The following SEMA3A variants were observed in gnomAD, a reference collection of about 807,000 sequenced individuals.
SEMA3A encodes the protein semaphorin-3A.
SEMA3A carries 29 observed loss-of-function variants against 97.9 expected under a neutral mutation model. The ratio of observed to expected loss-of-function variants is 0.30; its 90% CI spans 0.22 to 0.40. The LOEUF is 0.40. Ranked by LOEUF, SEMA3A falls within the 10% of genes least tolerant of loss-of-function variation. The pLI is 1.00. For missense variants in SEMA3A, 763 were observed against 951.3 expected, an observed-to-expected ratio of 0.80 and a Z score of 2.60; for synonymous variants, 321 against 323.7, an observed-to-expected ratio of 0.99 and a Z score of 0.09.
rs566825940 is a variant in SEMA3A, at chr7:84,351,319, C to T, written c.-169+20505G>A. Among the ~76,000 whole-genome samples, 45 of 152,162 alleles carry T rather than the reference C, an allele frequency of 3.0e-4. No homozygotes were observed. In the South Asian group the frequency reaches 3.9e-3, roughly 13 times the overall value. On this transcript the variant is annotated intron_variant, in intron 2 of 3. Coordinates refer to the SEMA3A transcript ENST00000424555. ...TTTCCTCCAAAGATGTCACACCTTGCGTAAGCCTTTGAAAAACATTGACAA... is the reference window on the plus strand; with the variant it reads ...TTTCCTCCAAAGATGTCACACCTTGTGTAAGCCTTTGAAAAACATTGACAA...
chr7:84,375,848 C>T (rs776582031), intron 1 of SEMA3A, among the ~76,000 whole-genome samples: 4 of 152,044 alleles, frequency 2.6e-5, no homozygotes, highest in Non-Finnish European at 4.4e-5. Flanking sequence ...CCTTAATCTG[C>T]TCTACACTTC....
intron 1 of SEMA3A, among the ~76,000 whole-genome samples, chr7:84,475,507 C>T (rs879917277): frequency 1.3e-4 from 20 of 152,006 alleles, no homozygotes; most frequent in Non-Finnish European, 2.8e-4. Flanking sequence ...TATTGGGGTA[C>T]GTTTTACACG....
chr7:84,187,904 G>A (rs1397046523), intron 1 of SEMA3A, among the ~76,000 whole-genome samples: 2 of 152,074 alleles, frequency 1.3e-5, no homozygotes, highest in African/African-American at 2.4e-5. Flanking sequence ...GGCACAAGAT[G>A]ATTCACATAA....
intron 1 of SEMA3A, among the ~76,000 whole-genome samples, chr7:84,187,726 T>A (rs1410226735): frequency 6.6e-6 from 1 of 152,160 alleles, no homozygotes; most frequent in Non-Finnish European, 1.5e-5. Flanking sequence ...TCATTCTTAT[T>A]ATTTCCAAAA....
intron 1 of SEMA3A, among the ~76,000 whole-genome samples, chr7:84,482,698 T>C (rs970065358): frequency 6.6e-6 from 1 of 152,168 alleles, no homozygotes; most frequent in African/African-American, 2.4e-5. Flanking sequence ...GGCATTATTG[T>C]TGTGGCCACA....
intron 3 of SEMA3A, among the ~76,000 whole-genome samples, chr7:84,121,492 C>G (rs1583996966): frequency 6.6e-6 from 1 of 151,284 alleles, no homozygotes; most frequent in African/African-American, 2.4e-5. Flanking sequence ...ATAGTTTGCT[C>G]AGAATGATGG....
rs869145201 is a variant in SEMA3A at position 84,313,356 on chromosome 7, GTATATATATATATA to G, written c.-168-6078_-168-6065del. Among the ~76,000 whole-genome samples the G allele has an allele frequency of 2.9e-3, 66 of 23,046 alleles. 1 individual carries two copies. The highest frequency in any genetic ancestry group is 5.9e-3 in the South Asian group (4 of 678). The allele number at this position is 23,046 out of a possible 152,430, so 15.1% of individuals were successfully genotyped here. The stretch of plus-strand genomic sequence containing the variant: ...TATATATATATGTATATGTGTGTGT[GTATATATATATATA>G]TATATATATATATATATATATATAT... On this transcript the variant is annotated intron_variant, in intron 2 of 3. Transcript: ENST00000424555.
chr7:83,982,971 T>C (rs1449227244), intron 13 of SEMA3A, among the ~76,000 whole-genome samples: 2 of 151,950 alleles, frequency 1.3e-5, no homozygotes. Context: ...TCTAAACCAT[T>C]GTGGAAACAT....
At chr7:84,001,115 A>G (rs12669207) in intron 12 of SEMA3A, among the ~76,000 whole-genome samples, 25,951 of 150,090 alleles carry the variant, frequency 0.17, 2,897 homozygotes, top group Middle Eastern at 0.26. Flanking sequence ...TGTTTGCTCT[A>G]TTCTTTTATC....
At chr7:84,083,471 C>T (rs1382557436) in intron 4 of SEMA3A, among the ~76,000 whole-genome samples, 1 of 151,842 alleles carries the variant, frequency 6.6e-6, no homozygotes, top group Non-Finnish European at 1.5e-5. Context: ...CAATTCTACC[C>T]TATCAGTTGT....
chr7:84,397,601 A>G (rs1803773041), intron 1 of SEMA3A, among the ~76,000 whole-genome samples: 3 of 151,678 alleles, frequency 2.0e-5, no homozygotes, highest in African/African-American at 7.3e-5. Flanking sequence ...AGGTTTGTTA[A>G]CCTAGGTAAA....
In SEMA3A at chr7:84,339,910, T is replaced by C. The variant is rs574112483; in HGVS notation, c.-169+31914A>G. Among the ~76,000 whole-genome samples the C allele has an allele frequency of 2.0e-5, 3 of 152,254 alleles. No individual in the cohort carries two copies. The South Asian group carries it at 6.2e-4, about 32-fold the overall frequency. The stretch of plus-strand genomic sequence containing the variant: ...AAATTTCAAGCTCATAAAACCATTT[T>C]ATTCAATACATTAATTTGGGGAAAA... On this transcript the variant is annotated intron_variant, in intron 2 of 3. Coordinates refer to the SEMA3A transcript ENST00000424555.
intron 3 of SEMA3A, among the ~76,000 whole-genome samples, chr7:84,216,208 G>T (rs1367706202): frequency 1.3e-5 from 2 of 152,078 alleles, no homozygotes; most frequent in Admixed American, 1.3e-4. Flanking sequence ...CTGGGTTCAA[G>T]CGATTCTCCT....
At chr7:84,411,391 T>C (rs1225710098) in intron 1 of SEMA3A, among the ~76,000 whole-genome samples, 2 of 152,144 alleles carry the variant, frequency 1.3e-5, no homozygotes, top group South Asian at 2.1e-4. Context: ...TCAGGGATGC[T>C]AGAATGCTGG....
At chr7:84,382,260 G>A (rs776853417) in intron 1 of SEMA3A, among the ~76,000 whole-genome samples, 9 of 151,346 alleles carry the variant, frequency 5.9e-5, no homozygotes, top group South Asian at 2.1e-4. Flanking sequence ...GGTGCCTGCC[G>A]CCACCGCCAA....
At chr7:84,369,178 C>T (rs995891858) in intron 2 of SEMA3A, among the ~76,000 whole-genome samples, 64 of 150,856 alleles carry the variant, frequency 4.2e-4, no homozygotes, top group Non-Finnish European at 1.5e-4. Context: ...CAACTTAGAG[C>T]CAGACATTTT....
intron 1 of SEMA3A, among the ~76,000 whole-genome samples, chr7:84,173,098 G>C (rs981204298): frequency 6.6e-6 from 1 of 152,086 alleles, no homozygotes; most frequent in Non-Finnish European, 1.5e-5. Context: ...AGTAGGAAGC[G>C]ATAACTTTTT....
chr7:84,075,521 C>CA (rs1331411001), intron 4 of SEMA3A, among the ~76,000 whole-genome samples: 2 of 139,432 alleles, frequency 1.4e-5, no homozygotes, highest in Admixed American at 7.5e-5. Context: ...TGCAATGGTG[C>CA]AGTCTTGGCT....
rs540127334 is a variant in SEMA3A at position 83,993,394 on chromosome 7, C to T, written c.1453-7917G>A. Among the ~76,000 whole-genome samples the T allele has an allele frequency of 2.7e-4, 41 of 151,732 alleles. No homozygotes were observed. In the East Asian group the frequency reaches 6.2e-3, roughly 23 times the overall value. On this transcript the variant is annotated intron_variant, in intron 12 of 16. Coordinates refer to ENST00000265362, the MANE Select transcript of SEMA3A (RefSeq NM_006080.3). The stretch of plus-strand genomic sequence containing the variant: ...TGGTTATTTTGCTCGTTAGTTGATG[C>T]AGTTTCTTCCTAGTCTTGATGGTGT...
Sources: allele counts gnomAD v4.1 joint callset (sites outside exome capture counted in the v4.1 genomes callset), GRCh38; gene constraint gnomAD v4.1.1; transcripts MANE v1.5; gene names NCBI Gene and HGNC (gene_info 2026-07-23, HGNC 2026-07-21).